The following DCHS2 variants were observed in gnomAD, a reference collection of about 807,000 sequenced individuals.
DCHS2 encodes protocadherin-23.
In DCHS2, 142 loss-of-function variants were observed where a neutral mutation model predicts 182.4. The ratio of observed to expected loss-of-function variants is 0.78; its 90% CI spans 0.68 to 0.89. DCHS2 has a LOEUF of 0.89. Ranked by LOEUF, DCHS2 falls within the 40% of genes least tolerant of loss-of-function variation. DCHS2 has a pLI of 0.00. For missense variants in DCHS2, 4,319 were observed against 4,198.6 expected, an observed-to-expected ratio of 1.03 and a Z score of -0.79; for synonymous variants, 1,740 against 1,663.3, an observed-to-expected ratio of 1.05 and a Z score of -1.12.
chr4:154,311,033 T>C (rs1185807068), intron 10 of DCHS2, among the ~76,000 whole-genome samples: 1 of 138,776 alleles, frequency 7.2e-6, no homozygotes, highest in African/African-American at 2.4e-5. Context: ...AAATATTTAC[T>C]ATCTGGTCCT....
intron 10 of DCHS2, among the ~76,000 whole-genome samples, chr4:154,310,861 T>C (rs1320094411): frequency 6.6e-6 from 1 of 152,208 alleles, no homozygotes. Flanking sequence ...ATTAGACACA[T>C]GCATTAGACT....
intron 1 of DCHS2, among the ~76,000 whole-genome samples, chr4:154,383,672 C>A (rs937362326): frequency 9.2e-5 from 14 of 152,006 alleles, no homozygotes; most frequent in Non-Finnish European, 4.4e-5. Flanking sequence ...TCCCCCTCAT[C>A]AGGATAATAG....
At chr4:154,250,185 G>A (rs1183087757) in intron 16 of DCHS2, among the ~76,000 whole-genome samples, 1 of 152,126 alleles carries the variant, frequency 6.6e-6, no homozygotes, top group East Asian at 1.9e-4. Flanking sequence ...ACTGAGAGAT[G>A]ACTGTATTTT....
At chr4:154,367,285 G>A (rs761148227) in intron 2 of DCHS2, among the ~76,000 whole-genome samples, 9 of 152,264 alleles carry the variant, frequency 5.9e-5, no homozygotes, top group South Asian at 2.1e-4. Flanking sequence ...AGAACAGACC[G>A]AAGAGCAGCA....
At chr4:154,249,844 GA>G (rs1335000203) in intron 16 of DCHS2, among the ~76,000 whole-genome samples, 2 of 151,016 alleles carry the variant, frequency 1.3e-5, no homozygotes, top group African/African-American at 4.9e-5. Context: ...GCTAAACATG[GA>G]GCATGCATGG....
intron 1 of DCHS2, among the ~76,000 whole-genome samples, chr4:154,409,567 C>T (rs552700405): frequency 2.0e-5 from 3 of 152,258 alleles, no homozygotes; most frequent in South Asian, 2.1e-4. Context: ...CAGATCCCAA[C>T]GTTGTGGGTA....
intron 1 of DCHS2, among the ~76,000 whole-genome samples, chr4:154,414,208 G>GAGAT (rs1553949666): frequency 5.2e-4 from 79 of 150,888 alleles, no homozygotes; most frequent in African/African-American, 1.2e-3. Flanking sequence ...GAGAGAGAGA[G>GAGAT]ATATAGATAT....
Position 154,323,007 on chromosome 4 carries a change from C to T in DCHS2, c.4019-519G>A, listed in dbSNP as rs146082481. ...AAATACTCTTTATTTTTCTTGTTTACATTAAGATCAAAATAAAGTCCATAT... is the reference window on the plus strand; with the variant it reads ...AAATACTCTTTATTTTTCTTGTTTATATTAAGATCAAAATAAAGTCCATAT... On this transcript the variant is annotated intron_variant, in intron 7 of 19. Coordinates refer to ENST00000357232, the MANE Select transcript of DCHS2 (RefSeq NM_001358235.2). 1.1e-4 allele frequency: 59 copies of T among 529,170 alleles called. 1 individual carries two copies. The highest frequency in any genetic ancestry group is 9.0e-4 in the African/African-American group (48 of 53,230). The allele number at this position is 529,170 out of a possible 1,614,324, so 32.8% of individuals were successfully genotyped here. A position where few individuals can be genotyped will look rare whatever the true frequency, so the allele number is the denominator to read the frequency against.
intron 2 of DCHS2, among the ~76,000 whole-genome samples, chr4:154,368,482 A>C (rs191983888): frequency 9.4e-4 from 143 of 152,246 alleles, no homozygotes; most frequent in African/African-American, 3.2e-3. Flanking sequence ...AAAAATAAGC[A>C]AATGTTAGAT....
intron 1 of DCHS2, among the ~76,000 whole-genome samples, chr4:154,480,902 A>G (rs2111036223): frequency 6.6e-6 from 1 of 152,222 alleles, no homozygotes; most frequent in African/African-American, 2.4e-5. Flanking sequence ...TGCTGAGATT[A>G]CAGACATGAG....
chr4:154,379,260 G>A (rs144482557), intron 1 of DCHS2, among the ~76,000 whole-genome samples: 3 of 152,190 alleles, frequency 2.0e-5, no homozygotes, highest in Non-Finnish European at 4.4e-5. Context: ...CAGGGAAGGA[G>A]AGAGATGGAA....
rs1187819003 is a variant in DCHS2 at position 154,366,331 on chromosome 4, C to T, written c.2355G>A (p.Gln785=). 6.2e-7 allele frequency: 1 copy of T among 1,613,860 alleles called. No homozygotes were observed. The highest frequency in any genetic ancestry group is 1.7e-5 in the Admixed American group (1 of 59,994). ...GAACATTGATGATCTCGGTGCCTGG[C>T]TGGGTCTCATCACTGATGCTCGTCA... is the stretch of plus-strand genomic sequence containing the variant. ...TYVTSISDET[Q]PGTEIINVLA... Residue 785 remains glutamine, a synonymous_variant, in exon 3 of 20, where the codon CAG becomes CAA. Coordinates refer to ENST00000357232, the MANE Select transcript of DCHS2 (RefSeq NM_001358235.2).
intron 1 of DCHS2, among the ~76,000 whole-genome samples, chr4:154,459,871 A>G (rs1306264622): frequency 6.6e-6 from 1 of 151,982 alleles, no homozygotes; most frequent in Non-Finnish European, 1.5e-5. Flanking sequence ...CAAGACCTAA[A>G]TGTACCCACT....
intron 1 of DCHS2, among the ~76,000 whole-genome samples, chr4:154,438,391 T>C (rs1046036463): frequency 1.6e-4 from 25 of 152,234 alleles, no homozygotes; most frequent in African/African-American, 5.8e-4. Flanking sequence ...TCTTGTCTAA[T>C]CATGAGCCAA....
chr4:154,280,568 C>T (rs1734083124), intron 13 of DCHS2, among the ~76,000 whole-genome samples: 2 of 152,072 alleles, frequency 1.3e-5, no homozygotes, highest in Admixed American at 1.3e-4. Context: ...AATTGTTCAA[C>T]ATACAAAAAC....
At chr4:154,373,894 G>A (rs745574020) in intron 2 of DCHS2, 3 of 1,575,074 alleles carry the variant, frequency 1.9e-6, no homozygotes, top group Non-Finnish European at 2.6e-6. Flanking sequence ...AAAAGACTCA[G>A]ATTATAGAAA....
chr4:154,331,644 T>C, intron 5 of DCHS2: 1 of 1,613,994 alleles, frequency 6.2e-7, no homozygotes, highest in Non-Finnish European at 8.5e-7. Context: ...CAGAACTGAA[T>C]GCAAAGTCTG....
At chr4:154,473,185 G>A (rs1215878357) in intron 1 of DCHS2, among the ~76,000 whole-genome samples, 1 of 152,146 alleles carries the variant, frequency 6.6e-6, no homozygotes, top group Non-Finnish European at 1.5e-5. Context: ...CATCCCTTCT[G>A]CATAGCTGGT....
At chr4:154,279,130 A>G (rs1734004185) in intron 13 of DCHS2, among the ~76,000 whole-genome samples, 1 of 152,122 alleles carries the variant, frequency 6.6e-6, no homozygotes, top group Non-Finnish European at 1.5e-5. Flanking sequence ...AAAGGAGCAG[A>G]GTCTTTTGTA....
Sources: allele counts gnomAD v4.1 joint callset (sites outside exome capture counted in the v4.1 genomes callset), GRCh38; gene constraint gnomAD v4.1.1; transcripts MANE v1.5; gene names NCBI Gene and HGNC (gene_info 2026-07-23, HGNC 2026-07-21).